Variants in IRGM observed in about 807,000 individuals in gnomAD.
IRGM encodes the protein immunity related GTPase M.
For synonymous variants in IRGM, 98 were observed against 80.6 expected, an observed-to-expected ratio of 1.22 and a Z score of -1.16; for missense variants, 288 against 219.9, an observed-to-expected ratio of 1.31 and a Z score of -1.96.
At chr5:150,891,980 C>A (rs187737887) in intron 3 of IRGM, among the ~76,000 whole-genome samples, 1 of 152,184 alleles carries the variant, frequency 6.6e-6, no homozygotes, top group African/African-American at 2.4e-5. Flanking sequence ...TCCAATCCTA[C>A]AGGGTCAAAG....
chr5:150,865,081 G>A (rs948338404), intron 1 of IRGM, among the ~76,000 whole-genome samples: 11 of 152,172 alleles, frequency 7.2e-5, no homozygotes, highest in Non-Finnish European at 1.6e-4. Flanking sequence ...TACCCATGTA[G>A]AGTAACATTA....
In IRGM at chr5:150,895,139, T is replaced by C. The variant is rs138745792; in HGVS notation, c.*141-5450T>C. ...ACAATGGCTGATTATCATTTTGTAG[T>C]ATAAGGAATATGCAACTTGACAATA... On this transcript the variant is annotated intron_variant and NMD_transcript_variant, in intron 3 of 3. Transcript: ENST00000520549. 6.1e-4 allele frequency: 173 copies of C among 285,534 alleles called. 1 individual carries two copies. The highest frequency in any genetic ancestry group is 3.6e-3 in the African/African-American group (164 of 45,966). The allele number at this position is 285,534 out of a possible 1,614,324, so 17.7% of individuals were successfully genotyped here.
At chr5:150,859,550 C>G (rs1754106613) in intron 1 of IRGM, among the ~76,000 whole-genome samples, 1 of 152,176 alleles carries the variant, frequency 6.6e-6, no homozygotes, top group African/African-American at 2.4e-5. Context: ...GTGAATCCAT[C>G]TGGTCCTGGA....
At chr5:150,892,839 G>A (rs1252568516) in intron 3 of IRGM, among the ~76,000 whole-genome samples, 1 of 151,990 alleles carries the variant, frequency 6.6e-6, no homozygotes, top group East Asian at 1.9e-4. Context: ...TGAGCTCCTG[G>A]GGTCAAGGTG....
chr5:150,873,246 G>A (rs926734513), intron 1 of IRGM, among the ~76,000 whole-genome samples: 2 of 152,212 alleles, frequency 1.3e-5, no homozygotes, highest in Non-Finnish European at 2.9e-5. Context: ...TATATAAGCA[G>A]AAAACTTCCA....
At chr5:150,869,605 G>T (rs1453762432) in intron 1 of IRGM, among the ~76,000 whole-genome samples, 2 of 152,086 alleles carry the variant, frequency 1.3e-5, no homozygotes, top group Non-Finnish European at 2.9e-5. Flanking sequence ...AATCCATCTG[G>T]TCCTGGACTT....
chr5:150,861,272 T>A (rs1442507056), intron 1 of IRGM, among the ~76,000 whole-genome samples: 1 of 152,100 alleles, frequency 6.6e-6, no homozygotes, highest in Non-Finnish European at 1.5e-5. Context: ...ATGTAGCCTC[T>A]CCAAGTGGCT....
Position 150,895,550 on chromosome 5 carries a change from G to C in IRGM, c.*141-5039G>C, listed in dbSNP as rs764334253. On this transcript the variant is annotated intron_variant and NMD_transcript_variant, in intron 3 of 3. Coordinates refer to the IRGM transcript ENST00000520549. The stretch of plus-strand genomic sequence containing the variant: ...TATGAATCCTCTGATGTAAAACAAG[G>C]TCTGACTTCTGAGAAAAGGCCTTTC... 6.8e-6 allele frequency: 11 copies of C among 1,613,480 alleles called. No homozygotes were observed. In the South Asian group the frequency reaches 1.2e-4, roughly 18 times the overall value.
At chr5:150,860,665 C>T (rs1454244573) in intron 1 of IRGM, among the ~76,000 whole-genome samples, 1 of 152,222 alleles carries the variant, frequency 6.6e-6, no homozygotes, top group Admixed American at 6.5e-5. Flanking sequence ...CCACCCAGAT[C>T]CCTGTGCTGC....
intron 3 of IRGM, among the ~76,000 whole-genome samples, chr5:150,887,052 T>A (rs1225652452): frequency 6.6e-6 from 1 of 152,030 alleles, no homozygotes; most frequent in Non-Finnish European, 1.5e-5. Flanking sequence ...GTGCTATGAA[T>A]TCCCCTCTTA....
At chr5:150,847,441 GT>G in intron 1 of IRGM, 1 of 152,472 alleles carries the variant, frequency 6.6e-6, no homozygotes, top group South Asian at 2.1e-4. Flanking sequence ...AGGAGACTTG[GT>G]TCATTCTCTG....
At chr5:150,875,882 C>A (rs568968440) in intron 1 of IRGM, among the ~76,000 whole-genome samples, 6 of 152,284 alleles carry the variant, frequency 3.9e-5, no homozygotes, top group Admixed American at 3.3e-4. Flanking sequence ...GAAAGGACAG[C>A]AATTTGTCCT....
At chr5:150,896,926 CTG>C (rs1561756172) in intron 3 of IRGM, 1 of 1,613,232 alleles carries the variant, frequency 6.2e-7, no homozygotes, top group Admixed American at 1.7e-5. Flanking sequence ...TGGAAGGAAA[CTG>C]TCCCCAAAAT....
intron 3 of IRGM, chr5:150,895,983 C>A (rs191242853): frequency 6.2e-7 from 1 of 1,613,276 alleles, no homozygotes; most frequent in Non-Finnish European, 8.5e-7. Flanking sequence ...GGACTTCTCA[C>A]AGAAGGCTTT....
intron 2 of IRGM, among the ~76,000 whole-genome samples, chr5:150,878,577 A>G (rs1002677928): frequency 2.0e-5 from 3 of 152,074 alleles, no homozygotes; most frequent in Non-Finnish European, 4.4e-5. Context: ...GCTCATCACT[A>G]TGAAATTTAT....
At chr5:150,896,138 G>A in intron 3 of IRGM, 1 of 1,613,180 alleles carries the variant, frequency 6.2e-7, no homozygotes. Flanking sequence ...GTATAATGAG[G>A]GGTGATTTCT....
chr5:150,856,185 C>T (rs941264179), intron 1 of IRGM, among the ~76,000 whole-genome samples: 4 of 152,098 alleles, frequency 2.6e-5, no homozygotes, highest in Admixed American at 2.0e-4. Context: ...GTAATCCCAG[C>T]ACTTTGAGAG....
At chr5:150,880,660 C>G (rs1754430894) in intron 3 of IRGM, among the ~76,000 whole-genome samples, 1 of 152,196 alleles carries the variant, frequency 6.6e-6, no homozygotes, top group Non-Finnish European at 1.5e-5. Context: ...AGTATACCTT[C>G]TTGCTATCAT....
At chr5:150,897,023 G>C in intron 3 of IRGM, 1 of 1,432,934 alleles carries the variant, frequency 7.0e-7, no homozygotes, top group Non-Finnish European at 9.4e-7. Context: ...AGTCAATTAA[G>C]AGGGTAAAGA....
Sources: allele counts gnomAD v4.1 joint callset (sites outside exome capture counted in the v4.1 genomes callset), GRCh38; gene constraint gnomAD v4.1.1; transcripts MANE v1.5; gene names NCBI Gene and HGNC (gene_info 2026-07-23, HGNC 2026-07-21).